Variants in SRPK2 observed in about 807,000 individuals in gnomAD.
SRPK2 encodes the protein SRSF protein kinase 2, also known as SFRS protein kinase 2.
In SRPK2, 21 loss-of-function variants were observed where a neutral mutation model predicts 90.8. That is an observed-to-expected ratio of 0.23 (90% CI 0.16 to 0.33). The LOEUF is 0.33. Ranked by LOEUF, SRPK2 falls within the 10% of genes least tolerant of loss-of-function variation. SRPK2 has a pLI of 1.00. For synonymous variants in SRPK2, 288 were observed against 311.1 expected, an observed-to-expected ratio of 0.93 and a Z score of 0.78; for missense variants, 620 against 869.0, an observed-to-expected ratio of 0.71 and a Z score of 3.60.
At chr7:105,358,775 T>C (rs1585873640) in intron 2 of SRPK2, among the ~76,000 whole-genome samples, 1 of 152,098 alleles carries the variant, frequency 6.6e-6, no homozygotes, top group Admixed American at 6.6e-5. Flanking sequence ...AGAAGGAATA[T>C]CTAAGCCTGG....
chr7:105,190,965 G>A (rs554328972), intron 3 of SRPK2, among the ~76,000 whole-genome samples: 1 of 152,210 alleles, frequency 6.6e-6, no homozygotes, highest in African/African-American at 2.4e-5. Flanking sequence ...TATGTATGGG[G>A]TATGATGTGA....
chr7:105,252,767 G>A (rs542514538), intron 2 of SRPK2, among the ~76,000 whole-genome samples: 5 of 143,800 alleles, frequency 3.5e-5, no homozygotes, highest in African/African-American at 1.0e-4. Context: ...TTTTGAGACA[G>A]AGTCTCCCTC....
intron 2 of SRPK2, among the ~76,000 whole-genome samples, chr7:105,280,014 A>G (rs1807049179): frequency 6.6e-6 from 1 of 152,242 alleles, no homozygotes; most frequent in African/African-American, 2.4e-5. Context: ...ATCATAGAGT[A>G]ATATTCAGAA....
In SRPK2 at chr7:105,287,089, G is replaced by A. The variant is rs568649906; in HGVS notation, c.72-83304C>T. Among the ~76,000 whole-genome samples the A allele has an allele frequency of 2.8e-3, 419 of 150,864 alleles. 2 individuals are homozygous for A. The highest frequency in any genetic ancestry group is 9.4e-3 in the African/African-American group (385 of 41,072). ...ATCCCGGCTAAAACGGTGAAACCCC[G>A]TCTCTACTAAAAATACAAAAAATTA... On this transcript the variant is annotated intron_variant, in intron 2 of 15. Coordinates refer to ENST00000393651, the MANE Select transcript of SRPK2 (RefSeq NM_182692.3).
intron 7 of SRPK2, among the ~76,000 whole-genome samples, chr7:105,155,044 G>A (rs906988699): frequency 3.3e-5 from 5 of 149,968 alleles, no homozygotes; most frequent in East Asian, 2.0e-4. Flanking sequence ...GCAATGGCAC[G>A]ATCTCGGCTC....
At chr7:105,359,418 A>G (rs1485008719) in intron 2 of SRPK2, among the ~76,000 whole-genome samples, 1 of 152,094 alleles carries the variant, frequency 6.6e-6, no homozygotes, top group African/African-American at 2.4e-5. Flanking sequence ...TTGGCCTCCC[A>G]AAGTGACAAG....
intron 3 of SRPK2, among the ~76,000 whole-genome samples, chr7:105,201,041 T>C (rs575170798): frequency 6.6e-6 from 1 of 152,304 alleles, no homozygotes; most frequent in South Asian, 2.1e-4. Flanking sequence ...TCAGGGATGA[T>C]AAAACACCAT....
intron 2 of SRPK2, among the ~76,000 whole-genome samples, chr7:105,273,429 T>C (rs1439492262): frequency 8.2e-6 from 1 of 121,348 alleles, no homozygotes; most frequent in African/African-American, 2.7e-5. Context: ...TTTTCTTTTT[T>C]TCTTTTTTTT....
upstream of SRPK2, chr7:105,389,108 C>G: frequency 1.0e-6 from 1 of 980,790 alleles, no homozygotes; most frequent in African/African-American, 1.8e-5. Context: ...CGCGCTGGCC[C>G]TCGGCCTCCC....
intron 2 of SRPK2, chr7:105,268,891 C>A: frequency 6.3e-7 from 1 of 1,579,344 alleles, no homozygotes; most frequent in Non-Finnish European, 8.7e-7. Context: ...AGAAAATATT[C>A]ACAACCAAGA....
chr7:105,186,852 A>G (rs1282005302), intron 3 of SRPK2, among the ~76,000 whole-genome samples: 1 of 152,194 alleles, frequency 6.6e-6, no homozygotes, highest in African/African-American at 2.4e-5. Flanking sequence ...TGAGGCCACC[A>G]TGCTCTGAGA....
rs551047171 is a variant in SRPK2, at chr7:105,215,179, AAACT to A, written c.72-11398_72-11395del. Among the ~76,000 whole-genome samples, 19 of 152,356 alleles carry A rather than the reference AAACT, an allele frequency of 1.2e-4. No individual in the cohort carries two copies. The South Asian group carries it at 3.9e-3, about 32-fold the overall frequency. ...AATTCTTACCTCCCACCATACACAG[AAACT>A]AACTCATAATGGATCAAAGTCCTAA... On this transcript the variant is annotated intron_variant, in intron 2 of 15. Transcript: ENST00000393651.
chr7:105,201,364 T>A (rs1487094029), intron 3 of SRPK2, among the ~76,000 whole-genome samples: 5 of 152,196 alleles, frequency 3.3e-5, no homozygotes, highest in Non-Finnish European at 5.9e-5. Flanking sequence ...CTGACTTTAA[T>A]ACTCTGTGAA....
At chr7:105,388,979 G>GGGCCC, upstream of SRPK2, 1 of 1,058,928 alleles carries the variant, frequency 9.4e-7, no homozygotes, top group Non-Finnish European at 1.1e-6. Flanking sequence ...CCCCCGTCCG[G>GGGCCC]CCCCGCCCCC....
chr7:105,365,863 CT>C (rs199599172), intron 2 of SRPK2, among the ~76,000 whole-genome samples: 2,982 of 144,544 alleles, frequency 0.021, 38 homozygotes, highest in Admixed American at 0.044. Flanking sequence ...TTATTTCTTC[CT>C]TTTTTTTTTT....
intron 7 of SRPK2, among the ~76,000 whole-genome samples, chr7:105,148,895 G>A (rs1000530227): frequency 6.6e-5 from 10 of 152,172 alleles, no homozygotes; most frequent in African/African-American, 2.2e-4. Context: ...ATGTTTACAA[G>A]CAGTATACTT....
chr7:105,380,362 C>T (rs933135605), intron 2 of SRPK2, among the ~76,000 whole-genome samples: 6 of 151,962 alleles, frequency 3.9e-5, no homozygotes, highest in African/African-American at 1.5e-4. Context: ...AAACTCCTGA[C>T]CTCTAGTGAT....
intron 2 of SRPK2, among the ~76,000 whole-genome samples, chr7:105,231,708 T>C (rs143779419): frequency 0.014 from 2,168 of 152,386 alleles, 20 homozygotes; most frequent in South Asian, 0.033. Flanking sequence ...GCCCCATGTA[T>C]GTCTTCTTTT....
downstream of SRPK2, chr7:105,116,247 C>T (rs1799616381): frequency 6.6e-6 from 1 of 152,096 alleles, no homozygotes; most frequent in African/African-American, 2.4e-5. Context: ...CCTTATAATA[C>T]GCCTCAATGC....
Sources: allele counts gnomAD v4.1 joint callset (sites outside exome capture counted in the v4.1 genomes callset), GRCh38; gene constraint gnomAD v4.1.1; transcripts MANE v1.5; gene names NCBI Gene and HGNC (gene_info 2026-07-23, HGNC 2026-07-21).